The following NDST4 variants were observed in gnomAD, a reference collection of about 807,000 sequenced individuals.
NDST4 encodes the protein N-deacetylase and N-sulfotransferase 4.
Under a neutral mutation model 100.8 loss-of-function variants are expected in NDST4, and 63 were observed. That is an observed-to-expected ratio of 0.62 (90% CI 0.51 to 0.77). The LOEUF (loss-of-function observed/expected upper bound fraction) is 0.77. NDST4 is among the 30% of genes least tolerant of loss of function. The pLI is 0.00. For missense variants in NDST4, 943 were observed against 1,018.4 expected (o/e 0.93, Z 1.01); for synonymous variants, 377 against 361.8 (o/e 1.04, Z -0.48).
intron 6 of NDST4, among the ~76,000 whole-genome samples, chr4:114,912,173 A>G (rs903790286): frequency 6.6e-6 from 1 of 152,146 alleles, no homozygotes; most frequent in African/African-American, 2.4e-5. Context: ...TTCTTTCAAG[A>G]TCCTCATAGA....
At chr4:114,944,317 C>T (rs908945134) in intron 4 of NDST4, among the ~76,000 whole-genome samples, 1 of 152,120 alleles carries the variant, frequency 6.6e-6, no homozygotes, top group Admixed American at 6.5e-5. Flanking sequence ...TGTCAGACTC[C>T]TTCAATCAAA....
chr4:114,983,341 A>C (rs961563610), intron 2 of NDST4, among the ~76,000 whole-genome samples: 1 of 152,310 alleles, frequency 6.6e-6, no homozygotes, highest in African/African-American at 2.4e-5. Context: ...GTACCCTTCA[A>C]AACCACAGGG....
At chr4:114,949,452 T>A (rs1473493387) in intron 4 of NDST4, among the ~76,000 whole-genome samples, 1 of 152,042 alleles carries the variant, frequency 6.6e-6, no homozygotes, top group African/African-American at 2.4e-5. Context: ...TTTATTTTTA[T>A]TTTTTTCTCT....
chr4:115,076,452 A>G lies in NDST4; in HGVS notation c.585T>C (p.Val195=), dbSNP rs1465610566. 1 of 1,613,870 alleles carries G rather than the reference A, an allele frequency of 6.2e-7. No homozygotes were observed. The highest frequency in any genetic ancestry group is 1.3e-5 in the African/African-American group (1 of 74,924). The change falls in exon 2 of 14, where the codon GTT becomes GTC. Residue 195 remains valine (V), a synonymous_variant. Coordinates refer to ENST00000264363, the MANE Select transcript of NDST4 (RefSeq NM_022569.3). ...TATGCAGCAAAGGAGATTGAGGGTT[A>G]ACAAAACAGTCCTTTAGAGCTAGAT... ...FNNLALKDCF[V]NPQSPLLHIT...
chr4:114,899,641 T>A (rs138430816), intron 6 of NDST4, among the ~76,000 whole-genome samples: 10 of 152,300 alleles, frequency 6.6e-5, no homozygotes, highest in African/African-American at 1.9e-4. Flanking sequence ...ATGGATCACA[T>A]TAATCAGTTT....
chr4:114,986,297 G>C (rs923796279), intron 2 of NDST4, among the ~76,000 whole-genome samples: 6 of 152,088 alleles, frequency 3.9e-5, no homozygotes, highest in Non-Finnish European at 7.3e-5. Context: ...CATTGCATCA[G>C]CCAAACACTC....
intron 6 of NDST4, among the ~76,000 whole-genome samples, chr4:114,874,303 T>C (rs144582749): frequency 1.3e-5 from 2 of 152,182 alleles, no homozygotes; most frequent in Non-Finnish European, 2.9e-5. Context: ...AGAACATTCT[T>C]AGGAGGATAA....
intron 2 of NDST4, among the ~76,000 whole-genome samples, chr4:115,047,274 A>T (rs1302563020): frequency 1.3e-5 from 2 of 152,118 alleles, no homozygotes; most frequent in African/African-American, 4.8e-5. Context: ...TTTAACAGTC[A>T]ATATATTTAT....
At position 114,834,196 on chromosome 4, in the gene NDST4, C is replaced by T. The variant is rs994303514; in HGVS notation, c.2287-481G>A. 5.9e-5 allele frequency among the ~76,000 whole-genome samples: 9 copies of T among 152,106 alleles called. No homozygotes were observed. In the South Asian group the frequency reaches 1.9e-3, roughly 32 times the overall value. On this transcript the variant is annotated intron_variant, in intron 11 of 13. Transcript: ENST00000264363. ...CCTTACTGATCATTGGATCACTGCC[C>T]TAGAATATCATAATTGTCAAAGGAA...
chr4:114,977,191 G>A lies in NDST4; in HGVS notation c.1062C>T (p.His354=), dbSNP rs1418291393. The A allele has an allele frequency of 3.1e-6, 5 of 1,597,882 alleles. 1 individual carries two copies. The East Asian group carries it at 9.0e-5, about 29-fold the overall frequency. ...GAACACAAAGCTCCTTCTTACCTGT[G>A]TGGTAAAACTTCCCTGAAAATCCAA... ...FNLGFSGKFY[H]TGTEEEDEGD... The change falls in exon 3 of 14, where the codon CAC becomes CAT. Residue 354 remains histidine (H), a synonymous_variant. Coordinates refer to ENST00000264363, the MANE Select transcript of NDST4 (RefSeq NM_022569.3).
At chr4:114,998,789 T>C (rs907872990) in intron 2 of NDST4, among the ~76,000 whole-genome samples, 1 of 152,068 alleles carries the variant, frequency 6.6e-6, no homozygotes, top group African/African-American at 2.4e-5. Context: ...ATATTTTTCC[T>C]TTTTGGCAAA....
At chr4:114,833,413 T>C (rs1578332354) in intron 12 of NDST4, among the ~76,000 whole-genome samples, 193 bp downstream of exon 12, 2 of 152,302 alleles carry the variant, frequency 1.3e-5, no homozygotes, top group East Asian at 3.9e-4. Flanking sequence ...AACATATACT[T>C]TACAAAATAA....
intron 2 of NDST4, 63 bp from the exon 3 acceptor site, chr4:114,977,337 T>A: frequency 1.8e-6 from 2 of 1,124,844 alleles, no homozygotes; most frequent in Admixed American, 3.8e-5. Flanking sequence ...GGGATGCCTC[T>A]TTTGCAAATG....
chr4:114,917,742 C>T lies in NDST4; in HGVS notation c.1536+17464G>A, dbSNP rs543423904. On this transcript the variant is annotated intron_variant, in intron 6 of 13. Coordinates refer to ENST00000264363, the MANE Select transcript of NDST4 (RefSeq NM_022569.3). ...TACCAAACACACACATAATGAAGTT[C>T]ACACGGTAGCTCTGCTACTCACAAG... 3.9e-5 allele frequency among the ~76,000 whole-genome samples: 6 copies of T among 152,244 alleles called. No individual in the cohort carries two copies. In the South Asian group the frequency reaches 1.2e-3, roughly 32 times the overall value.
intron 2 of NDST4, among the ~76,000 whole-genome samples, chr4:115,003,593 A>G (rs1727346429): frequency 6.6e-6 from 1 of 152,112 alleles, no homozygotes; most frequent in South Asian, 2.1e-4. Context: ...ACTAGTACTT[A>G]GCGGTGGCTC....
chr4:115,050,524 T>A (rs1394128248), intron 2 of NDST4, among the ~76,000 whole-genome samples: 1 of 152,108 alleles, frequency 6.6e-6, no homozygotes, highest in Non-Finnish European at 1.5e-5. Flanking sequence ...ATGGTATTTA[T>A]GGGGAATTAA....
At chr4:114,877,469 G>T (rs529785827) in intron 6 of NDST4, among the ~76,000 whole-genome samples, 1 of 152,258 alleles carries the variant, frequency 6.6e-6, no homozygotes, top group South Asian at 2.1e-4. Flanking sequence ...CACTTGGAAA[G>T]ATTTTAATTC....
At chr4:115,059,471 T>C (rs1315932559) in intron 2 of NDST4, among the ~76,000 whole-genome samples, 1 of 152,028 alleles carries the variant, frequency 6.6e-6, no homozygotes, top group African/African-American at 2.4e-5. Flanking sequence ...AAGAAATACA[T>C]TTGGCCTTCT....
At chr4:115,006,031 CAAAA>C (rs33988343) in intron 2 of NDST4, among the ~76,000 whole-genome samples, 128 of 99,458 alleles carry the variant, frequency 1.3e-3, no homozygotes, top group Middle Eastern at 0.01. Flanking sequence ...GACTCTATCT[CAAAA>C]AAAAAAAAAA....
Sources: gnomAD v4.1 joint callset for allele counts (sites outside exome capture counted in the v4.1 genomes callset) on GRCh38, gnomAD v4.1.1 for gene constraint, MANE v1.5 for transcripts, NCBI Gene and HGNC (gene_info 2026-07-23, HGNC 2026-07-21) for gene names.